The following ROR1 variants were observed in gnomAD, a reference collection of about 807,000 sequenced individuals.
The protein encoded by ROR1 is inactive tyrosine-protein kinase transmembrane receptor ROR1.
ROR1 carries 19 observed loss-of-function variants against 78.8 expected under a neutral mutation model. The ratio of observed to expected loss-of-function variants is 0.24; its 90% CI spans 0.17 to 0.35. The LOEUF is 0.35. Ranked by LOEUF, ROR1 falls within the 10% of genes least tolerant of loss-of-function variation. ROR1 has a pLI of 1.00. For missense variants in ROR1, 917 were observed against 1,177.8 expected (o/e 0.78, Z 3.24); for synonymous variants, 386 against 433.6 (o/e 0.89, Z 1.36).
At chr1:63,913,451 G>A (rs1645586443) in intron 1 of ROR1, among the ~76,000 whole-genome samples, 1 of 152,096 alleles carries the variant, frequency 6.6e-6, no homozygotes, top group Non-Finnish European at 1.5e-5. Flanking sequence ...AAAATTGGGG[G>A]TATGCTGTGT....
At chr1:63,926,772 T>C (rs1250066637) in intron 1 of ROR1, among the ~76,000 whole-genome samples, 9 of 119,890 alleles carry the variant, frequency 7.5e-5, no homozygotes. Flanking sequence ...TTTGAAGCAA[T>C]TGTGAATGGG....
At chr1:64,116,317 G>C (rs974048940) in intron 4 of ROR1, among the ~76,000 whole-genome samples, 6 of 152,158 alleles carry the variant, frequency 3.9e-5, no homozygotes, top group African/African-American at 1.4e-4. Flanking sequence ...CGGTGATTTT[G>C]TGTCACAATA....
chr1:64,067,879 A>AT (rs1178956606), intron 4 of ROR1, among the ~76,000 whole-genome samples: 1 of 151,868 alleles, frequency 6.6e-6, no homozygotes, highest in Non-Finnish European at 1.5e-5. Flanking sequence ...CGCCCGGGTA[A>AT]TTTTTTGTAT....
intron 1 of ROR1, among the ~76,000 whole-genome samples, chr1:64,008,213 A>G (rs1414117935): frequency 6.6e-6 from 1 of 152,060 alleles, no homozygotes; most frequent in East Asian, 1.9e-4. Context: ...AGAACACATG[A>G]TATTTGGTTT....
chr1:63,842,385 C>T (rs943299732), intron 1 of ROR1, among the ~76,000 whole-genome samples: 5 of 152,204 alleles, frequency 3.3e-5, no homozygotes, highest in Non-Finnish European at 7.3e-5. Flanking sequence ...ACCCAACTCC[C>T]ATAGGATGTC....
At chr1:64,076,621 T>C (rs1023033395) in intron 4 of ROR1, among the ~76,000 whole-genome samples, 1 of 152,208 alleles carries the variant, frequency 6.6e-6, no homozygotes, top group African/African-American at 2.4e-5. Flanking sequence ...CCTCATAGTG[T>C]GGTGTAGTGG....
At chr1:63,933,404 C>G (rs973944744) in intron 1 of ROR1, among the ~76,000 whole-genome samples, 1 of 152,162 alleles carries the variant, frequency 6.6e-6, no homozygotes, top group African/African-American at 2.4e-5. Flanking sequence ...CTTTACATCC[C>G]CAGAAGTGGG....
At chr1:63,788,854 C>T (rs899633636) in intron 1 of ROR1, 10 of 745,622 alleles carry the variant, frequency 1.3e-5, no homozygotes, top group Admixed American at 1.8e-5. Flanking sequence ...GAGCTTCATG[C>T]GAGCCTTATC....
intron 2 of ROR1, among the ~76,000 whole-genome samples, chr1:64,030,158 A>C (rs1160141293): frequency 6.6e-6 from 1 of 152,124 alleles, no homozygotes; most frequent in Non-Finnish European, 1.5e-5. Flanking sequence ...ACTCCATAAC[A>C]TTTATGACTT....
At chr1:64,059,725 A>T (rs1054734943) in intron 4 of ROR1, among the ~76,000 whole-genome samples, 1 of 151,534 alleles carries the variant, frequency 6.6e-6, no homozygotes, top group Admixed American at 6.6e-5. Context: ...AAAAAAAAAA[A>T]AGAGATGTCT....
At chr1:63,913,342 AAAAT>A (rs1645585596) in intron 1 of ROR1, among the ~76,000 whole-genome samples, 1 of 152,080 alleles carries the variant, frequency 6.6e-6, no homozygotes, top group Non-Finnish European at 1.5e-5. Context: ...TTCTGGGAGA[AAAAT>A]AAATCTTAAA....
chr1:63,820,096 G>A (rs1290294188), intron 1 of ROR1, among the ~76,000 whole-genome samples: 1 of 152,150 alleles, frequency 6.6e-6, no homozygotes, highest in Non-Finnish European at 1.5e-5. Context: ...GTTCCAAATT[G>A]TTCAGTAAAA....
At position 63,951,900 on chromosome 1, in the gene ROR1, A is replaced by G. The variant is rs1431550431; in HGVS notation, c.92-57405A>G. ...AAATTGGTGTAGACGAGCTGTGCTT[A>G]AGATGGAGTTTAATAGTAGATTCAT... On this transcript the variant is annotated intron_variant, in intron 1 of 8. Transcript: ENST00000371079. 2.0e-5 allele frequency among the ~76,000 whole-genome samples: 3 copies of G among 151,906 alleles called. 1 individual carries two copies. The highest frequency in any genetic ancestry group is 4.4e-5 in the Non-Finnish European group (3 of 67,966).
intron 1 of ROR1, among the ~76,000 whole-genome samples, chr1:63,918,379 T>G (rs993061919): frequency 6.6e-6 from 1 of 152,178 alleles, no homozygotes; most frequent in African/African-American, 2.4e-5. Context: ...ATGAAGTACC[T>G]GAGACTTGGA....
intron 4 of ROR1, among the ~76,000 whole-genome samples, chr1:64,120,094 T>C (rs1648473552): frequency 6.6e-6 from 1 of 152,220 alleles, no homozygotes; most frequent in Non-Finnish European, 1.5e-5. Context: ...AAAGACGCAA[T>C]GTGCACTGGG....
chr1:63,797,176 T>C (rs1291827051), intron 1 of ROR1, among the ~76,000 whole-genome samples: 3 of 152,172 alleles, frequency 2.0e-5, no homozygotes, highest in African/African-American at 7.2e-5. Context: ...CCGAGAACTT[T>C]CTAGGTGCCA....
At chr1:63,943,477 C>T (rs1645857818) in intron 1 of ROR1, among the ~76,000 whole-genome samples, 1 of 152,188 alleles carries the variant, frequency 6.6e-6, no homozygotes, top group Non-Finnish European at 1.5e-5. Flanking sequence ...CGTAGAGGAA[C>T]CCAGCTCCAC....
chr1:63,929,134 G>A (rs151017601), intron 1 of ROR1, among the ~76,000 whole-genome samples: 3 of 152,346 alleles, frequency 2.0e-5, no homozygotes, highest in East Asian at 1.9e-4. Flanking sequence ...CCGCTTTGCT[G>A]TGTGTTTTCT....
chr1:63,918,314 A>G (rs1405205303), intron 1 of ROR1, among the ~76,000 whole-genome samples: 2 of 152,240 alleles, frequency 1.3e-5, no homozygotes, highest in Non-Finnish European at 2.9e-5. Flanking sequence ...ATCATACGAC[A>G]GGAATCTCAC....
Sources: gnomAD v4.1 joint callset for allele counts (sites outside exome capture counted in the v4.1 genomes callset) on GRCh38, gnomAD v4.1.1 for gene constraint, MANE v1.5 for transcripts, NCBI Gene and HGNC (gene_info 2026-07-23, HGNC 2026-07-21) for gene names.